Variants in EIF4G3 observed in about 807,000 individuals in gnomAD.
EIF4G3 encodes the protein eIF-4-gamma 3.
In EIF4G3, 34 loss-of-function variants were observed where a neutral mutation model predicts 186.4. The observed-to-expected ratio is 0.18, with a 90% CI of 0.14 to 0.24. The LOEUF (loss-of-function observed/expected upper bound fraction) is 0.24. Among genes scored for constraint, EIF4G3 ranks in the 10% least tolerant of loss-of-function variants. EIF4G3 has a pLI of 1.00. For synonymous variants in EIF4G3, 673 were observed against 679.5 expected, an observed-to-expected ratio of 0.99 and a Z score of 0.15; for missense variants, 1,536 against 1,948.5, an observed-to-expected ratio of 0.79 and a Z score of 3.99.
rs749999701 is a variant in EIF4G3, at chr1:20,853,612, C to A, written c.3499G>T (p.Gly1167Trp). The change falls in exon 27 of 37, where the codon GGG becomes TGG. Residue 1167 changes from glycine (G) to tryptophan (W), a missense_variant. Coordinates refer to ENST00000602326, the MANE Select transcript of EIF4G3 (RefSeq NM_001391906.1). ...FSALQPPAPS[G>W]STPSTPVEFD... is the part of the protein sequence containing the mutation. ...TCTACAGGCGTGGATGGCGTGGACC[C>A]TGAGGGTGCTGGAGGTTGCAGGGCA... 1 of 1,613,980 alleles carries A rather than the reference C, an allele frequency of 6.2e-7. No homozygotes were observed.
At chr1:21,114,532 C>T (rs1201824664) in intron 2 of EIF4G3, among the ~76,000 whole-genome samples, 1 of 152,134 alleles carries the variant, frequency 6.6e-6, no homozygotes, top group Non-Finnish European at 1.5e-5. Flanking sequence ...GCATAAATAA[C>T]CAGTTTATCA....
At chr1:20,942,927 T>C (rs1240559208) in intron 13 of EIF4G3, among the ~76,000 whole-genome samples, 2 of 152,328 alleles carry the variant, frequency 1.3e-5, no homozygotes, top group African/African-American at 2.4e-5. Context: ...TCTCAGTAAC[T>C]GATAAAAATC....
chr1:21,058,307 G>A (rs974965294), intron 3 of EIF4G3, among the ~76,000 whole-genome samples: 13 of 152,138 alleles, frequency 8.5e-5, no homozygotes, highest in Admixed American at 8.5e-4. Flanking sequence ...CTCTCCTGTA[G>A]TCAAGTACTG....
chr1:20,869,883 C>G (rs1189828018), intron 20 of EIF4G3, among the ~76,000 whole-genome samples: 1 of 150,922 alleles, frequency 6.6e-6, no homozygotes. Flanking sequence ...ATACTATTTT[C>G]TATCAGTGGT....
At chr1:20,938,184 G>C (rs1054164262) in intron 14 of EIF4G3, among the ~76,000 whole-genome samples, 2 of 151,958 alleles carry the variant, frequency 1.3e-5, no homozygotes, top group Admixed American at 6.6e-5. Context: ...TAGTAGATAC[G>C]GGGTTTCACC....
At chr1:20,921,451 T>C (rs10916903) in intron 14 of EIF4G3, among the ~76,000 whole-genome samples, 48,098 of 152,066 alleles carry the variant, frequency 0.32, 8,370 homozygotes, top group Non-Finnish European at 0.39. Flanking sequence ...TTATATAAAC[T>C]GACCTCAGTC....
At chr1:20,858,234 A>T (rs1378705948) in intron 24 of EIF4G3, among the ~76,000 whole-genome samples, 1 of 152,150 alleles carries the variant, frequency 6.6e-6, no homozygotes, top group African/African-American at 2.4e-5. Flanking sequence ...AAAAGAGAAG[A>T]TTCCTTACAA....
At chr1:21,077,526 C>T (rs568884613) in intron 3 of EIF4G3, among the ~76,000 whole-genome samples, 10 of 150,618 alleles carry the variant, frequency 6.6e-5, no homozygotes, top group African/African-American at 2.0e-4. Context: ...GAAACACAAA[C>T]GAAAACCACA....
At chr1:20,951,125 G>A (rs984071349) in intron 12 of EIF4G3, among the ~76,000 whole-genome samples, 1 of 151,452 alleles carries the variant, frequency 6.6e-6, no homozygotes, top group Non-Finnish European at 1.5e-5. Flanking sequence ...GGGTGAGTGT[G>A]GGCAAACAGA....
intron 27 of EIF4G3, among the ~76,000 whole-genome samples, chr1:20,852,727 G>A (rs925106008): frequency 1.3e-5 from 2 of 152,178 alleles, no homozygotes; most frequent in African/African-American, 4.8e-5. Context: ...AGAACCATTA[G>A]GGGACATTTA....
intron 2 of EIF4G3, among the ~76,000 whole-genome samples, chr1:21,118,785 C>CAAAAAAAAAAAAA (rs796933675): frequency 1.2e-5 from 1 of 86,288 alleles, no homozygotes; most frequent in Admixed American, 1.3e-4. Flanking sequence ...GACTACATCT[C>CAAAAAAAAAAAAA]AAAAAAAAAA....
intron 2 of EIF4G3, among the ~76,000 whole-genome samples, chr1:21,114,570 C>T (rs1157968768): frequency 6.6e-6 from 1 of 152,140 alleles, no homozygotes; most frequent in Admixed American, 6.5e-5. Context: ...TTGAAAAAAG[C>T]CATTTCGGCT....
At chr1:21,032,010 A>G (rs1482913892) in intron 4 of EIF4G3, among the ~76,000 whole-genome samples, 1 of 152,186 alleles carries the variant, frequency 6.6e-6, no homozygotes, top group African/African-American at 2.4e-5. Context: ...GAATCTTGCT[A>G]TTTGTTGCTT....
intron 7 of EIF4G3, among the ~76,000 whole-genome samples, chr1:20,995,468 G>T (rs750263743): frequency 6.6e-6 from 1 of 151,984 alleles, no homozygotes; most frequent in Non-Finnish European, 1.5e-5. Context: ...TGCCTCCAGG[G>T]TTCAAGTGAT....
At chr1:21,002,621 T>G in intron 5 of EIF4G3, 92 bp downstream of exon 5, 1 of 1,326,078 alleles carries the variant, frequency 7.5e-7, no homozygotes, top group Non-Finnish European at 1.0e-6. Context: ...ACTTCCAAAA[T>G]CCAGTAAAAA....
Position 20,810,630 on chromosome 1 carries a change from T to C in EIF4G3, c.4744+108A>G. 1.6e-6 allele frequency: 2 copies of C among 1,277,628 alleles called. No individual in the cohort carries two copies. Among genetic ancestry groups the C allele is most frequent in the Non-Finnish European group, 2.2e-6 (2 of 907,468 alleles). 79.1% of individuals were successfully genotyped at this position (1,277,628 alleles called of 1,614,324 possible). On this transcript the variant is annotated intron_variant, in intron 36 of 36. Coordinates refer to ENST00000602326, the MANE Select transcript of EIF4G3 (RefSeq NM_001391906.1). This position sits in a 1 kb window ranked among gnomAD's most constrained non-coding sequence, Gnocchi z 4.1. ...AGTTAGTTATATGAGTTTGTGTTAT[T>C]AGTGATTCTTTTATTGTCCTTTGTT...
At chr1:21,037,505 G>A (rs1190552558) in intron 4 of EIF4G3, among the ~76,000 whole-genome samples, 3 of 152,154 alleles carry the variant, frequency 2.0e-5, no homozygotes, top group Non-Finnish European at 4.4e-5. Context: ...AATCAGAAGA[G>A]TCAATTACAT....
rs551805406 is a variant in EIF4G3 at position 21,098,571 on chromosome 1, A to C, written c.-271-9358T>G. Among the ~76,000 whole-genome samples the C allele has an allele frequency of 2.7e-5, 4 of 149,994 alleles. No individual in the cohort carries two copies. The East Asian group carries it at 7.8e-4, about 29-fold the overall frequency. On this transcript the variant is annotated intron_variant, in intron 2 of 36. Coordinates refer to ENST00000602326, the MANE Select transcript of EIF4G3 (RefSeq NM_001391906.1). ...AAAAAAAAAAAAAAAAAAGAAGAAG[A>C]AGAAGAAGAAGAAAGAAACTAAACA...
At chr1:21,086,985 G>A (rs2096004996) in intron 3 of EIF4G3, among the ~76,000 whole-genome samples, 1 of 151,650 alleles carries the variant, frequency 6.6e-6, no homozygotes, top group African/African-American at 2.4e-5. Context: ...GGACATCTGG[G>A]AAACTCTGAA....
Sources: allele counts gnomAD v4.1 joint callset (sites outside exome capture counted in the v4.1 genomes callset), GRCh38; gene constraint gnomAD v4.1.1; non-coding constraint Gnocchi (gnomAD v3.1); transcripts MANE v1.5; gene names NCBI Gene and HGNC (gene_info 2026-07-23, HGNC 2026-07-21).